The following TMEM135 variants were observed in gnomAD, a reference collection of about 807,000 sequenced individuals.
The protein encoded by TMEM135 is peroxisomal membrane protein 52.
Under a neutral mutation model 60.3 loss-of-function variants are expected in TMEM135, and 30 were observed. The observed-to-expected ratio is 0.50, with a 90% CI of 0.37 to 0.68. The LOEUF (loss-of-function observed/expected upper bound fraction) is 0.68. Among genes scored for constraint, TMEM135 ranks in the 30% least tolerant of loss-of-function variants. The pLI is 0.00. For missense variants in TMEM135, 468 were observed against 548.8 expected (o/e 0.85, Z 1.47); for synonymous variants, 190 against 186.7 (o/e 1.02, Z -0.14).
chr11:87,181,977 T>C (rs1317567904), intron 5 of TMEM135, among the ~76,000 whole-genome samples: 1 of 151,264 alleles, frequency 6.6e-6, no homozygotes, highest in Non-Finnish European at 1.5e-5. Context: ...AAGAGAGAAT[T>C]GTTTTCATGG....
At chr11:87,079,729 C>T (rs1856946243) in intron 3 of TMEM135, among the ~76,000 whole-genome samples, 2 of 151,442 alleles carry the variant, frequency 1.3e-5, no homozygotes, top group African/African-American at 4.9e-5. Flanking sequence ...CGTTTACATT[C>T]ATTTCTAGTT....
Position 87,071,521 on chromosome 11 carries a change from A to G in TMEM135, c.270-2A>G, listed in dbSNP as rs747655825. 2 of 1,613,518 alleles carry G rather than the reference A, an allele frequency of 1.2e-6. No individual in the cohort carries two copies. The highest frequency in any genetic ancestry group is 1.7e-6 in the Non-Finnish European group (2 of 1,179,462). ...TACAAAAATTCCAAATTTGAATTTC[A>G]GGAAGATACTTGGAAAATTCTACTC... On this transcript the variant is annotated splice_acceptor_variant, in intron 2 of 14. Coordinates refer to ENST00000305494, the MANE Select transcript of TMEM135 (RefSeq NM_022918.4). LOFTEE classifies it high-confidence loss of function.
At chr11:87,271,394 T>A (rs1420782498) in intron 6 of TMEM135, among the ~76,000 whole-genome samples, 1 of 152,200 alleles carries the variant, frequency 6.6e-6, no homozygotes, top group Non-Finnish European at 1.5e-5. Context: ...TCACTTGATG[T>A]CTGCAGGCTG....
chr11:87,096,868 T>C (rs1857342415), intron 4 of TMEM135, among the ~76,000 whole-genome samples: 1 of 152,198 alleles, frequency 6.6e-6, no homozygotes, highest in Admixed American at 6.5e-5. Context: ...TTCTTTTTCA[T>C]TACCCACATA....
At chr11:87,151,972 G>A (rs941288921) in intron 4 of TMEM135, among the ~76,000 whole-genome samples, 3 of 152,024 alleles carry the variant, frequency 2.0e-5, no homozygotes, top group Non-Finnish European at 4.4e-5. Flanking sequence ...GGAGGTGATC[G>A]GTGTCTAACT....
At chr11:87,138,703 CAGA>C (rs1281505653) in intron 4 of TMEM135, among the ~76,000 whole-genome samples, 2 of 152,076 alleles carry the variant, frequency 1.3e-5, no homozygotes, top group East Asian at 3.9e-4. Flanking sequence ...TACATTGTGG[CAGA>C]AGAAGGATTC....
At chr11:87,073,197 G>A (rs1027601631) in intron 3 of TMEM135, among the ~76,000 whole-genome samples, 4 of 152,070 alleles carry the variant, frequency 2.6e-5, no homozygotes, top group African/African-American at 9.7e-5. Flanking sequence ...ACCACGCCCA[G>A]CTAATTTTTG....
intron 5 of TMEM135, among the ~76,000 whole-genome samples, chr11:87,195,354 C>CTTCT: frequency 8.5e-6 from 1 of 117,982 alleles, no homozygotes; most frequent in African/African-American, 3.2e-5. Context: ...TCCTTCCTTC[C>CTTCT]TTCCTTCCTT....
intron 4 of TMEM135, among the ~76,000 whole-genome samples, chr11:87,097,514 G>T (rs1857357265): frequency 6.6e-6 from 1 of 152,106 alleles, no homozygotes; most frequent in Non-Finnish European, 1.5e-5. Flanking sequence ...AACTATCTAT[G>T]GTTAAAATAC....
intron 10 of TMEM135, among the ~76,000 whole-genome samples, chr11:87,312,185 C>A (rs200505650): frequency 1.2e-5 from 1 of 83,684 alleles, no homozygotes; most frequent in Non-Finnish European, 2.6e-5. Context: ...TTTTTTTTTT[C>A]TTTTTCAGCC....
chr11:87,170,633 A>G (rs1939210114), intron 5 of TMEM135, among the ~76,000 whole-genome samples: 1 of 152,106 alleles, frequency 6.6e-6, no homozygotes, highest in Non-Finnish European at 1.5e-5. Context: ...CAGAACAGCA[A>G]AGATTGCTGC....
chr11:87,299,877 A>G (rs1350967737), intron 7 of TMEM135, among the ~76,000 whole-genome samples: 3 of 152,210 alleles, frequency 2.0e-5, no homozygotes, highest in African/African-American at 7.2e-5. Flanking sequence ...AAGAACCCAA[A>G]TGTAATAATA....
intron 5 of TMEM135, among the ~76,000 whole-genome samples, chr11:87,165,368 C>G (rs1939005763): frequency 7.6e-6 from 1 of 130,862 alleles, no homozygotes; most frequent in Non-Finnish European, 1.6e-5. Flanking sequence ...ATTGAACCAG[C>G]CTTGCATCTC....
intron 4 of TMEM135, among the ~76,000 whole-genome samples, chr11:87,107,179 T>A (rs994840865): frequency 2.0e-5 from 3 of 152,208 alleles, no homozygotes; most frequent in Admixed American, 2.0e-4. Flanking sequence ...TTTTTATTTC[T>A]TCATGATTCA....
At chr11:87,292,431 G>A (rs1339130837) in intron 6 of TMEM135, among the ~76,000 whole-genome samples, 1 of 152,148 alleles carries the variant, frequency 6.6e-6, no homozygotes, top group African/African-American at 2.4e-5. Flanking sequence ...TATCGAATAA[G>A]TTGGTGAGCC....
At chr11:87,156,882 A>G (rs1490534716) in intron 4 of TMEM135, among the ~76,000 whole-genome samples, 6 of 152,198 alleles carry the variant, frequency 3.9e-5, no homozygotes. Flanking sequence ...TGTCTAAGCA[A>G]ACTAATTCGA....
chr11:87,105,637 T>G (rs1857576296), intron 4 of TMEM135, among the ~76,000 whole-genome samples: 1 of 152,224 alleles, frequency 6.6e-6, no homozygotes, highest in Non-Finnish European at 1.5e-5. Flanking sequence ...GGATATATAT[T>G]ACTTGTACAT....
Position 87,282,120 on chromosome 11 carries a change from AT to A in TMEM135, c.510-13659del, listed in dbSNP as rs1942072199. Among the ~76,000 whole-genome samples the A allele has an allele frequency of 5.3e-5, 8 of 152,320 alleles. No homozygotes were observed. The South Asian group carries it at 1.7e-3, about 32-fold the overall frequency. On this transcript the variant is annotated intron_variant, in intron 6 of 14. Coordinates refer to ENST00000305494, the MANE Select transcript of TMEM135 (RefSeq NM_022918.4). ...GTCTGGAGTGGGGACCAAGAATTATATTTCTAAAGTGAAAAGCTTTTATGAA... is the reference window on the plus strand; with the variant it reads ...GTCTGGAGTGGGGACCAAGAATTATATTCTAAAGTGAAAAGCTTTTATGAA...
At chr11:87,246,372 G>C (rs1456413457) in intron 6 of TMEM135, among the ~76,000 whole-genome samples, 3 of 151,242 alleles carry the variant, frequency 2.0e-5, no homozygotes, top group Non-Finnish European at 2.9e-5. Flanking sequence ...GGCATTCTCT[G>C]TATTTCCTGA....
Sources: gnomAD v4.1 joint callset for allele counts (sites outside exome capture counted in the v4.1 genomes callset) on GRCh38, gnomAD v4.1.1 for gene constraint, MANE v1.5 for transcripts, NCBI Gene and HGNC (gene_info 2026-07-23, HGNC 2026-07-21) for gene names.